The following RAD23B variants were observed in gnomAD, a reference collection of about 807,000 sequenced individuals.
RAD23B encodes RAD23 nucleotide excision repair protein B, also known as lysine-specific demethylase RAD23B.
Under a neutral mutation model 49.1 loss-of-function variants are expected in RAD23B, and 5 were observed. That is an observed-to-expected ratio of 0.10 (90% CI 0.05 to 0.21). The LOEUF (loss-of-function observed/expected upper bound fraction) is 0.21, where lower values mean the gene tolerates loss of function less well. Ranked by LOEUF, RAD23B falls within the 10% of genes least tolerant of loss-of-function variation. RAD23B has a pLI of 1.00. For synonymous variants in RAD23B, 184 were observed against 165.4 expected (o/e 1.11, Z -0.86); for missense variants, 356 against 486.7 (o/e 0.73, Z 2.53).
In RAD23B at chr9:107,330,810, G is replaced by A. The variant is rs1294637078; in HGVS notation, c.*1154G>A. On this transcript the variant is annotated 3_prime_UTR_variant, in exon 10 of 10. Transcript: ENST00000358015. This position sits in a 1 kb window ranked among gnomAD's most constrained non-coding sequence, Gnocchi z 4.4. Reference sequence around the variant, plus strand: ...AAGACTGGCAAAGTCTTTTGGATGGGTTGGGAGATGTGGCTGGAAAGTACT... The same window carrying A: ...AAGACTGGCAAAGTCTTTTGGATGGATTGGGAGATGTGGCTGGAAAGTACT... 6.6e-6 allele frequency: 1 copy of A among 152,630 alleles called. No individual in the cohort carries two copies. The highest frequency in any genetic ancestry group is 1.5e-5 in the Non-Finnish European group (1 of 68,048). The allele number at this position is 152,630 out of a possible 1,614,324, so 9.5% of individuals were successfully genotyped here. A position where few individuals can be genotyped will look rare whatever the true frequency, so the allele number is the denominator to read the frequency against.
chr9:107,322,229 T>C lies in RAD23B; in HGVS notation c.817+111T>C, dbSNP rs571782525. Reference sequence around the variant, plus strand: ...GTTCATTCCCAGAGCAGTCGAATAATTCGTTAAGTTCTCTCTTCACTAATG... The same window carrying C: ...GTTCATTCCCAGAGCAGTCGAATAACTCGTTAAGTTCTCTCTTCACTAATG... On this transcript the variant is annotated intron_variant, in intron 7 of 9. Transcript: ENST00000358015. 53 of 1,284,014 alleles carry C rather than the reference T, an allele frequency of 4.1e-5. No individual in the cohort carries two copies. The South Asian group carries it at 9.1e-4, about 22-fold the overall frequency. The allele number at this position is 1,284,014 out of a possible 1,614,324, so 79.5% of individuals were successfully genotyped here.
chr9:107,306,350 G>A (rs760749331), intron 3 of RAD23B, 29 bp from the exon 4 acceptor site: 2 of 1,593,612 alleles, frequency 1.3e-6, no homozygotes, highest in South Asian at 2.2e-5. Flanking sequence ...GTATTTTATT[G>A]TAATTATTTT....
intron 1 of RAD23B, among the ~76,000 whole-genome samples, chr9:107,292,998 C>T (rs10217136): frequency 0.32 from 48,562 of 152,054 alleles, 9,368 homozygotes; most frequent in Middle Eastern, 0.47. Flanking sequence ...GTGGTTCTTA[C>T]TCAAGAGTCT....
At chr9:107,295,343 A>G (rs1826488159) in intron 1 of RAD23B, among the ~76,000 whole-genome samples, 1 of 152,162 alleles carries the variant, frequency 6.6e-6, no homozygotes, top group East Asian at 1.9e-4. Flanking sequence ...TGAGTGAGAG[A>G]GAGGCTGAAA....
At chr9:107,303,607 C>T (rs1355819049) in intron 3 of RAD23B, among the ~76,000 whole-genome samples, 2 of 152,116 alleles carry the variant, frequency 1.3e-5, no homozygotes, top group African/African-American at 2.4e-5. Context: ...GCAGCTATCA[C>T]CATCATATAA....
chr9:107,295,086 T>TGGGG (rs200172742), intron 1 of RAD23B, among the ~76,000 whole-genome samples: 4 of 142,880 alleles, frequency 2.8e-5, no homozygotes, highest in African/African-American at 1.0e-4. Context: ...CAGCGGTGGG[T>TGGGG]GGGGGGGGAC....
At chr9:107,291,081 G>A (rs570611499) in intron 1 of RAD23B, among the ~76,000 whole-genome samples, 12 of 152,216 alleles carry the variant, frequency 7.9e-5, no homozygotes, top group African/African-American at 2.9e-4. Flanking sequence ...AACTTATTTC[G>A]AGGAGGTAGA....
At chr9:107,307,139 A>G (rs1177669391) in intron 4 of RAD23B, among the ~76,000 whole-genome samples, 2 of 152,184 alleles carry the variant, frequency 1.3e-5, no homozygotes, top group Admixed American at 1.3e-4. Context: ...GAACCTATGG[A>G]CTATTTCAGT....
At position 107,331,534 on chromosome 9, in the gene RAD23B, C is replaced by G; in HGVS notation, c.*1878C>G. ...TTTTATAATGGATCATGCATAATTT[C>G]TCAGGAGAATAAAATGAGAATTCAT... is the stretch of plus-strand genomic sequence containing the variant. On this transcript the variant is annotated 3_prime_UTR_variant, in exon 10 of 10. Transcript: ENST00000358015. The G allele has an allele frequency of 1.6e-6, 1 of 612,540 alleles. No homozygotes were observed. Among genetic ancestry groups the G allele is most frequent in the South Asian group, 2.1e-5 (1 of 48,176 alleles). The allele number at this position is 612,540 out of a possible 1,614,324, so 37.9% of individuals were successfully genotyped here. A position where few individuals can be genotyped will look rare whatever the true frequency, so the allele number is the denominator to read the frequency against.
At chr9:107,306,911 ATT>A (rs71368010) in intron 4 of RAD23B, among the ~76,000 whole-genome samples, 67,372 of 132,004 alleles carry the variant, frequency 0.51, 17,138 homozygotes, top group African/African-American at 0.71. Context: ...GGTGAAAGTC[ATT>A]TTTTTTTTTT....
chr9:107,307,520 G>A (rs1250480041), intron 4 of RAD23B, among the ~76,000 whole-genome samples: 1 of 152,190 alleles, frequency 6.6e-6, no homozygotes, highest in Non-Finnish European at 1.5e-5. Flanking sequence ...GTGACTTAGT[G>A]CAACTCAGGA....
intron 5 of RAD23B, among the ~76,000 whole-genome samples, chr9:107,313,520 G>T (rs949733669): frequency 6.6e-6 from 1 of 152,120 alleles, no homozygotes; most frequent in Non-Finnish European, 1.5e-5. Context: ...CACAGTGCCC[G>T]GCCAGTTAAT....
chr9:107,317,610 A>G (rs760515206), intron 5 of RAD23B, among the ~76,000 whole-genome samples: 1 of 151,998 alleles, frequency 6.6e-6, no homozygotes, highest in Non-Finnish European at 1.5e-5. Context: ...CTACTGACCC[A>G]GGATAATTAC....
At chr9:107,317,993 C>T (rs1827028938) in intron 5 of RAD23B, among the ~76,000 whole-genome samples, 1 of 152,072 alleles carries the variant, frequency 6.6e-6, no homozygotes, top group Admixed American at 6.6e-5. Flanking sequence ...AAATACCATC[C>T]CTTCCCCAGC....
At chr9:107,300,491 G>A (rs1166433778) in intron 2 of RAD23B, among the ~76,000 whole-genome samples, 1 of 150,968 alleles carries the variant, frequency 6.6e-6, no homozygotes, top group Non-Finnish European at 1.5e-5. Flanking sequence ...TTAATCAAAC[G>A]GAGCTTTTTT....
At chr9:107,324,778 C>T (rs1475203162) in intron 8 of RAD23B, 56 bp from the exon 9 acceptor site, 88 of 1,452,260 alleles carry the variant, frequency 6.1e-5, no homozygotes, top group Non-Finnish European at 7.8e-5. Flanking sequence ...TTTCTCTGTT[C>T]CTGCAGATAC....
At chr9:107,294,147 T>G (rs1456679857) in intron 1 of RAD23B, among the ~76,000 whole-genome samples, 1 of 152,220 alleles carries the variant, frequency 6.6e-6, no homozygotes, top group Non-Finnish European at 1.5e-5. Context: ...GCGGCACTTT[T>G]AAATACACTT....
Position 107,329,750 on chromosome 9 carries a change from A to G in RAD23B, c.*94A>G. 1 of 514,246 alleles carries G rather than the reference A, an allele frequency of 1.9e-6. No homozygotes were observed. The highest frequency in any genetic ancestry group is 2.3e-5 in the Admixed American group (1 of 43,274). 31.9% of individuals were successfully genotyped at this position (514,246 alleles called of 1,614,324 possible). The stretch of plus-strand genomic sequence containing the variant: ...GATGACTTGGGCTCATATCCACAAT[A>G]CTTGGTATAAGGTAGTAGATTGTTG... On this transcript the variant is annotated 3_prime_UTR_variant, in exon 10 of 10. Transcript: ENST00000358015.
At chr9:107,323,492 T>A (rs1827146568) in intron 7 of RAD23B, among the ~76,000 whole-genome samples, 1 of 152,160 alleles carries the variant, frequency 6.6e-6, no homozygotes, top group Non-Finnish European at 1.5e-5. Flanking sequence ...ATAAAGTAAG[T>A]GAGTTTTTGT....
Sources: gnomAD v4.1 joint callset for allele counts (sites outside exome capture counted in the v4.1 genomes callset) on GRCh38, gnomAD v4.1.1 for gene constraint, Gnocchi (gnomAD v3.1) non-coding constraint, MANE v1.5 for transcripts, NCBI Gene and HGNC (gene_info 2026-07-23, HGNC 2026-07-21) for gene names.